Variants in EHBP1 observed in about 807,000 individuals in gnomAD.
EHBP1 encodes EH domain binding protein 1.
Under a neutral mutation model 144.0 loss-of-function variants are expected in EHBP1, and 55 were observed. That is an observed-to-expected ratio of 0.38 (90% CI 0.31 to 0.48). The LOEUF is 0.48. EHBP1 is among the 20% of genes least tolerant of loss of function. The probability of loss-of-function intolerance (pLI) is 0.98; values close to 1 mark genes in which losing one functional copy is unlikely to be tolerated. For missense variants in EHBP1, 1,200 were observed against 1,364.2 expected (o/e 0.88, Z 1.90); for synonymous variants, 469 against 472.7 (o/e 0.99, Z 0.10).
chr2:62,844,425 C>T (rs1405142076), intron 7 of EHBP1, among the ~76,000 whole-genome samples: 1 of 152,098 alleles, frequency 6.6e-6, no homozygotes, highest in Admixed American at 6.5e-5. Context: ...TTTTGAATTA[C>T]AGTTGGAAAA....
rs970119970 is a variant in EHBP1 at position 63,037,760 on chromosome 2, A to C, written c.3203+126A>C. 5 of 536,376 alleles carry C rather than the reference A, an allele frequency of 9.3e-6. No homozygotes were observed. The African/African-American group carries it at 9.9e-5, about 11-fold the overall frequency. 33.2% of individuals were successfully genotyped at this position (536,376 alleles called of 1,614,324 possible). On this transcript the variant is annotated intron_variant, in intron 20 of 22. Transcript: ENST00000431489. ...CCTTTCCTTAGCGATTACATGTTTT[A>C]TAAAAAAATAAAAAATAGTATATGA... is the stretch of plus-strand genomic sequence containing the variant.
chr2:62,801,597 T>C (rs756273677), intron 5 of EHBP1, among the ~76,000 whole-genome samples: 1 of 152,244 alleles, frequency 6.6e-6, no homozygotes, highest in African/African-American at 2.4e-5. Context: ...ATTCAAGAGC[T>C]AGATCTGGCT....
intron 14 of EHBP1, among the ~76,000 whole-genome samples, chr2:62,974,201 A>G (rs2153183327): frequency 1.3e-5 from 2 of 152,220 alleles, no homozygotes; most frequent in East Asian, 3.9e-4. Context: ...TATACACTTC[A>G]GGAAGCATAC....
upstream of EHBP1, among the ~76,000 whole-genome samples, chr2:62,701,895 A>G (rs1408394528): frequency 5.3e-5 from 8 of 152,206 alleles, no homozygotes; most frequent in Non-Finnish European, 1.0e-4. Flanking sequence ...AAAAACCTAC[A>G]GTGTTATTAT....
intron 19 of EHBP1, among the ~76,000 whole-genome samples, chr2:62,999,501 C>G (rs1377385887): frequency 6.6e-6 from 1 of 152,136 alleles, no homozygotes; most frequent in South Asian, 2.1e-4. Context: ...CCTTCTCCCC[C>G]AATCCCCTGG....
chr2:62,788,109 G>C (rs2042936175), intron 5 of EHBP1, among the ~76,000 whole-genome samples: 1 of 152,166 alleles, frequency 6.6e-6, no homozygotes, highest in African/African-American at 2.4e-5. Flanking sequence ...TTTAAATTAA[G>C]TGGTTTAGAA....
chr2:62,727,986 A>C (rs542616684), intron 2 of EHBP1, among the ~76,000 whole-genome samples: 47 of 152,316 alleles, frequency 3.1e-4, no homozygotes, highest in Non-Finnish European at 7.4e-5. Flanking sequence ...TGAGACATGC[A>C]GACTGGGCTG....
At chr2:62,823,034 T>G (rs2046094361) in intron 5 of EHBP1, among the ~76,000 whole-genome samples, 1 of 152,098 alleles carries the variant, frequency 6.6e-6, no homozygotes, top group South Asian at 2.1e-4. Flanking sequence ...AATTGCCTGG[T>G]AGTAGTGGTG....
chr2:62,948,781 A>G lies in EHBP1; in HGVS notation c.1935A>G (p.Ala645=), dbSNP rs759373637. 4 of 1,614,056 alleles carry G rather than the reference A, an allele frequency of 2.5e-6. No homozygotes were observed. The South Asian group carries it at 4.4e-5, about 18-fold the overall frequency. The change falls in exon 13 of 23, where the codon GCA becomes GCG. Residue 645 remains alanine (A), a synonymous_variant. Transcript: ENST00000431489. ...GICSNTDSTQ[A]QVLLGKKRLL... is the part of the protein sequence containing the mutation. ...GTTCCAATACAGATTCAACCCAAGC[A>G]CAGGTTTTGTTAGGCAAAAAGAGAC...
chr2:63,000,317 G>C (rs1002012014), intron 19 of EHBP1, among the ~76,000 whole-genome samples: 4 of 151,998 alleles, frequency 2.6e-5, no homozygotes, highest in Non-Finnish European at 5.9e-5. Flanking sequence ...TTCTAAAATT[G>C]TTCAGTAATC....
intron 5 of EHBP1, among the ~76,000 whole-genome samples, chr2:62,824,711 G>A (rs923647702): frequency 3.3e-5 from 5 of 151,912 alleles, no homozygotes; most frequent in African/African-American, 1.2e-4. Context: ...TGCATAATCT[G>A]ACAGATAAGG....
intron 5 of EHBP1, among the ~76,000 whole-genome samples, chr2:62,772,325 T>G (rs1400640233): frequency 6.6e-6 from 1 of 152,064 alleles, no homozygotes; most frequent in Non-Finnish European, 1.5e-5. Context: ...ATTTACATGT[T>G]GTGGAATCCC....
chr2:62,805,644 A>G (rs2044388913), intron 5 of EHBP1, among the ~76,000 whole-genome samples: 1 of 152,088 alleles, frequency 6.6e-6, no homozygotes, highest in African/African-American at 2.4e-5. Flanking sequence ...CCTCCTGAGT[A>G]GCTGGGACTA....
At chr2:62,870,791 T>C (rs950676343) in intron 9 of EHBP1, among the ~76,000 whole-genome samples, 2 of 150,900 alleles carry the variant, frequency 1.3e-5, no homozygotes, top group Non-Finnish European at 3.0e-5. Flanking sequence ...AGACTTTTAT[T>C]TGAAAGAGTG....
intron 14 of EHBP1, among the ~76,000 whole-genome samples, chr2:62,975,719 A>T (rs377458142): frequency 6.6e-6 from 1 of 152,178 alleles, no homozygotes. Context: ...CCCTGTCTCT[A>T]CAAAAATTAA....
At chr2:62,735,854 T>C (rs2038070590) in intron 2 of EHBP1, among the ~76,000 whole-genome samples, 1 of 152,200 alleles carries the variant, frequency 6.6e-6, no homozygotes, top group African/African-American at 2.4e-5. Context: ...CACTCTCTTC[T>C]TGTTTGCATG....
At chr2:62,955,206 T>C (rs1301466828) in intron 13 of EHBP1, among the ~76,000 whole-genome samples, 1 of 152,132 alleles carries the variant, frequency 6.6e-6, no homozygotes, top group Admixed American at 6.5e-5. Context: ...TTATACTGTG[T>C]TTATGAGCAA....
intron 10 of EHBP1, among the ~76,000 whole-genome samples, chr2:62,912,854 C>G (rs4671053): frequency 3.3e-5 from 5 of 152,132 alleles, no homozygotes; most frequent in Admixed American, 2.0e-4. Context: ...CTGCCTCCAA[C>G]AAGTAGAAGA....
Position 63,045,704 on chromosome 2 carries a change from T to C in EHBP1, c.*204T>C. On this transcript the variant is annotated 3_prime_UTR_variant, in exon 23 of 23. Transcript: ENST00000431489. This position sits in a 1 kb window ranked among gnomAD's most constrained non-coding sequence, Gnocchi z 5.7. The stretch of plus-strand genomic sequence containing the variant: ...CTCCAAAATAGCTTCATTTAAGGAT[T>C]TTTTTGTGAGTTAACAATTTCCTTG... The C allele has an allele frequency of 3.8e-6, 2 of 528,662 alleles. No individual in the cohort carries two copies. Among genetic ancestry groups the C allele is most frequent in the Non-Finnish European group, 6.8e-6 (2 of 295,166 alleles). The allele number at this position is 528,662 out of a possible 1,614,324, so 32.7% of individuals were successfully genotyped here.
Sources: allele counts gnomAD v4.1 joint callset (sites outside exome capture counted in the v4.1 genomes callset), GRCh38; gene constraint gnomAD v4.1.1; non-coding constraint Gnocchi (gnomAD v3.1); transcripts MANE v1.5; gene names NCBI Gene and HGNC (gene_info 2026-07-23, HGNC 2026-07-21).